The following PHTF2 variants were observed in gnomAD, a reference collection of about 807,000 sequenced individuals.
PHTF2 encodes protein PHTF2.
PHTF2 carries 60 observed loss-of-function variants against 101.2 expected under a neutral mutation model. The ratio of observed to expected loss-of-function variants is 0.59; its 90% CI spans 0.48 to 0.73. The LOEUF is 0.73. Ranked by LOEUF, PHTF2 falls within the 30% of genes least tolerant of loss-of-function variation. The pLI, the probability that PHTF2 is intolerant of heterozygous loss-of-function variation, is 0.00. For synonymous variants in PHTF2, 311 were observed against 307.3 expected (o/e 1.01, Z -0.13); for missense variants, 747 against 908.7 (o/e 0.82, Z 2.29).
intron 3 of PHTF2, among the ~76,000 whole-genome samples, chr7:77,855,052 T>G (rs1039596603): frequency 1.4e-4 from 22 of 152,212 alleles, no homozygotes; most frequent in African/African-American, 4.8e-4. Flanking sequence ...TTTGTAGCCA[T>G]CACAGCTGAG....
chr7:77,936,534 C>T (rs1000345750), intron 12 of PHTF2, among the ~76,000 whole-genome samples: 6 of 151,522 alleles, frequency 4.0e-5, no homozygotes, highest in Admixed American at 2.0e-4. Context: ...ATTAGCTGGG[C>T]GTGGTGGTGG....
chr7:77,803,688 C>CGTGT (rs34239792), intron 1 of PHTF2, among the ~76,000 whole-genome samples: 6,085 of 140,924 alleles, frequency 0.043, 149 homozygotes, highest in Non-Finnish European at 0.059. Flanking sequence ...GTTGAACAGG[C>CGTGT]GTGTGTGTGT....
intron 13 of PHTF2, 53 bp downstream of exon 12, chr7:77,937,891 A>G (rs1292092306): frequency 2.3e-6 from 2 of 882,714 alleles, no homozygotes; most frequent in African/African-American, 3.5e-5. Context: ...TAGTAATTAT[A>G]TATAAGATAA....
At chr7:77,891,579 T>TG (rs1402990147) in intron 3 of PHTF2, among the ~76,000 whole-genome samples, 5 of 30,642 alleles carry the variant, frequency 1.6e-4, no homozygotes, top group African/African-American at 1.5e-3. Flanking sequence ...ATATGGTTTT[T>TG]TTTTGTTGTT....
Position 77,909,103 on chromosome 7 carries a change from C to G in PHTF2, c.611+145C>G, listed in dbSNP as rs1802126842. The G allele has an allele frequency of 5.9e-6, 3 of 510,382 alleles. No individual in the cohort carries two copies. The African/African-American group carries it at 5.9e-5, about 10-fold the overall frequency. 31.6% of individuals were successfully genotyped at this position (510,382 alleles called of 1,614,324 possible). A position where few individuals can be genotyped will look rare whatever the true frequency, so the allele number is the denominator to read the frequency against. ...AAACACTGAGCTTCAGAATCAATTA[C>G]CAGATGATTTAGTTTCCATATTTGC... On this transcript the variant is annotated intron_variant, in intron 8 of 19. Coordinates refer to ENST00000416283, the Ensembl canonical transcript of PHTF2.
chr7:77,808,474 A>G (rs1318561959), intron 1 of PHTF2, among the ~76,000 whole-genome samples: 1 of 152,164 alleles, frequency 6.6e-6, no homozygotes, highest in Non-Finnish European at 1.5e-5. Flanking sequence ...TATGCCTGCT[A>G]ATTTTTGTTT....
chr7:77,901,964 T>C, intron 7 of PHTF2, 44 bp downstream of exon 6: 1 of 1,229,894 alleles, frequency 8.1e-7, no homozygotes, highest in Non-Finnish European at 1.1e-6. Context: ...GAATGTTACA[T>C]TGTTAGGTTT....
intron 2 of PHTF2, among the ~76,000 whole-genome samples, chr7:77,846,238 G>T (rs1734245767): frequency 6.6e-6 from 1 of 152,144 alleles, no homozygotes; most frequent in African/African-American, 2.4e-5. Flanking sequence ...TCTCAGAGGG[G>T]GTGAATCCTG....
At chr7:77,909,183 T>TC (rs1433148793) in intron 8 of PHTF2, 2 of 371,716 alleles carry the variant, frequency 5.4e-6, no homozygotes, top group South Asian at 6.2e-5. Context: ...TTTTTTTTTT[T>TC]CCTTGAAGCT....
At chr7:77,850,051 T>C (rs537000851) in intron 2 of PHTF2, among the ~76,000 whole-genome samples, 1 of 152,028 alleles carries the variant, frequency 6.6e-6, no homozygotes, top group South Asian at 2.1e-4. Flanking sequence ...TTGAATAACA[T>C]TGGTGAAAGT....
At chr7:77,827,424 G>A (rs1263601062) in intron 1 of PHTF2, among the ~76,000 whole-genome samples, 1 of 151,916 alleles carries the variant, frequency 6.6e-6, no homozygotes, top group Non-Finnish European at 1.5e-5. Context: ...GTGCAGTCTC[G>A]GCTCATCGTG....
chr7:77,833,796 A>T (rs918260967), intron 1 of PHTF2, among the ~76,000 whole-genome samples: 25 of 152,218 alleles, frequency 1.6e-4, no homozygotes. Context: ...ACTGCACTTC[A>T]GTCTGGGTGA....
chr7:77,799,918 C>A (rs1410129830), intron 1 of PHTF2, among the ~76,000 whole-genome samples: 1 of 152,126 alleles, frequency 6.6e-6, no homozygotes, highest in Non-Finnish European at 1.5e-5. Context: ...GTATATCCTC[C>A]TTGCTTTGAG....
chr7:77,913,174 G>C (rs1802566387), intron 9 of PHTF2, among the ~76,000 whole-genome samples: 1 of 151,994 alleles, frequency 6.6e-6, no homozygotes, highest in African/African-American at 2.4e-5. Flanking sequence ...GATCACCTGA[G>C]GTCAGGAGTT....
In PHTF2 at chr7:77,954,287, C is replaced by T. The variant is rs557415191; in HGVS notation, c.2337+393C>T. On this transcript the variant is annotated intron_variant, in intron 19 of 19. Coordinates refer to ENST00000416283, the Ensembl canonical transcript of PHTF2. Reference sequence around the variant, plus strand: ...TAGCTGGGACTACAGGTGTGCACCACCACGCCTGGCCAATTTTTGTATTTT... The same window carrying T: ...TAGCTGGGACTACAGGTGTGCACCATCACGCCTGGCCAATTTTTGTATTTT... Among the ~76,000 whole-genome samples, 35 of 152,094 alleles carry T rather than the reference C, an allele frequency of 2.3e-4. No homozygotes were observed. In the East Asian group the frequency reaches 6.2e-3, roughly 27 times the overall value.
At chr7:77,888,167 G>A (rs1042468869) in intron 3 of PHTF2, among the ~76,000 whole-genome samples, 1 of 152,098 alleles carries the variant, frequency 6.6e-6, no homozygotes, top group Non-Finnish European at 1.5e-5. Context: ...CCAGGCTGGA[G>A]TGCAATGGTG....
chr7:77,957,337 C>T (rs868243990), exon 20 of PHTF2: 4 of 151,596 alleles, frequency 2.6e-5, no homozygotes, highest in South Asian at 2.1e-4. Context: ...TTTTTTATAA[C>T]TTTCCAACAT....
At position 77,799,897 on chromosome 7, in the gene PHTF2, C is replaced by T. The variant is rs764381039; in HGVS notation, c.-36+926C>T. Among the ~76,000 whole-genome samples the T allele has an allele frequency of 4.9e-4, 74 of 152,238 alleles. 1 individual carries two copies. The highest frequency in any genetic ancestry group is 4.1e-4 in the South Asian group (2 of 4,824). On this transcript the variant is annotated intron_variant, in intron 1 of 19. Transcript: ENST00000416283. Reference sequence around the variant, plus strand: ...ATATTTTGTAGTTTTCGGTTGCTTTCTTTGTTAATAGTATATCCTCCTTGC... The same window carrying T: ...ATATTTTGTAGTTTTCGGTTGCTTTTTTTGTTAATAGTATATCCTCCTTGC...
chr7:77,805,924 C>T (rs1792935987), intron 1 of PHTF2, among the ~76,000 whole-genome samples: 2 of 152,154 alleles, frequency 1.3e-5, no homozygotes, highest in African/African-American at 4.8e-5. Flanking sequence ...CCTGTAATCC[C>T]AGCACTTTGG....
Sources: gnomAD v4.1 joint callset for allele counts (sites outside exome capture counted in the v4.1 genomes callset) on GRCh38, gnomAD v4.1.1 for gene constraint, MANE v1.5 for transcripts, NCBI Gene and HGNC (gene_info 2026-07-23, HGNC 2026-07-21) for gene names.